Variants in PARVA observed in about 807,000 individuals in gnomAD.
PARVA encodes the protein parvin alpha.
Under a neutral mutation model 52.6 loss-of-function variants are expected in PARVA, and 25 were observed. The ratio of observed to expected loss-of-function variants is 0.48; its 90% CI spans 0.35 to 0.66. The LOEUF is 0.66. Ranked by LOEUF, PARVA falls within the 30% of genes least tolerant of loss-of-function variation. The pLI, the probability that PARVA is intolerant of heterozygous loss-of-function variation, is 0.01. For missense variants in PARVA, 373 were observed against 450.9 expected (o/e 0.83, Z 1.56); for synonymous variants, 185 against 179.1 (o/e 1.03, Z -0.26).
At chr11:12,428,412 C>T (rs1445228057) in intron 1 of PARVA, among the ~76,000 whole-genome samples, 1 of 152,212 alleles carries the variant, frequency 6.6e-6, no homozygotes, top group African/African-American at 2.4e-5. Flanking sequence ...TTCATGCAGA[C>T]ATGTATGCTT....
chr11:12,486,976 T>C (rs948739062), intron 4 of PARVA, among the ~76,000 whole-genome samples: 2 of 152,266 alleles, frequency 1.3e-5, no homozygotes, highest in Middle Eastern at 3.4e-3. Context: ...CAGTCAGAAA[T>C]GGGGCTTTAG....
In PARVA at chr11:12,517,801, G is replaced by T. The variant is rs112160028; in HGVS notation, c.969+90G>T. 99 of 883,686 alleles carry T rather than the reference G, an allele frequency of 1.1e-4. No individual in the cohort carries two copies. The African/African-American group carries it at 1.3e-3, about 12-fold the overall frequency. The allele number at this position is 883,686 out of a possible 1,614,324, so 54.7% of individuals were successfully genotyped here. A position where few individuals can be genotyped will look rare whatever the true frequency, so the allele number is the denominator to read the frequency against. ...CATGCTGGGGCTATCCAGAAAAAAG[G>T]CAGAAGCTTCCCCTCTGCTCAACGT... On this transcript the variant is annotated intron_variant, in intron 11 of 12. Transcript: ENST00000334956.
intron 1 of PARVA, among the ~76,000 whole-genome samples, chr11:12,429,209 C>T (rs1940279779): frequency 6.6e-6 from 1 of 152,074 alleles, no homozygotes; most frequent in Admixed American, 6.5e-5. Flanking sequence ...TTGAACTCCT[C>T]GCCTCAAACA....
chr11:12,483,347 C>T (rs1341303224), intron 4 of PARVA, among the ~76,000 whole-genome samples: 6 of 152,158 alleles, frequency 3.9e-5, no homozygotes, highest in East Asian at 1.9e-4. Context: ...GACCTTAAAA[C>T]GTACAAATAA....
intron 1 of PARVA, among the ~76,000 whole-genome samples, chr11:12,462,369 G>A (rs1016008926): frequency 2.0e-5 from 3 of 152,170 alleles, no homozygotes; most frequent in African/African-American, 7.2e-5. Flanking sequence ...GAGATTTAGA[G>A]TATGCAGTGA....
chr11:12,422,758 A>G (rs1353224901), intron 1 of PARVA, among the ~76,000 whole-genome samples: 2 of 152,206 alleles, frequency 1.3e-5, no homozygotes, highest in East Asian at 1.9e-4. Flanking sequence ...ATCTCACACT[A>G]TAAGATTTTA....
intron 4 of PARVA, chr11:12,480,809 T>TTAA (rs763187722): frequency 1.8e-5 from 2 of 110,292 alleles, no homozygotes; most frequent in African/African-American, 7.5e-5. Flanking sequence ...CAGTTTGCGG[T>TTAA]AAAAAAAAAA....
upstream of PARVA, among the ~76,000 whole-genome samples, chr11:12,376,914 T>C (rs1939397106): frequency 6.6e-6 from 1 of 152,212 alleles, no homozygotes; most frequent in African/African-American, 2.4e-5. Flanking sequence ...TTCCCATTCA[T>C]GTTTCCACCA....
chr11:12,520,141 G>C (rs752439420), intron 12 of PARVA, among the ~76,000 whole-genome samples: 1 of 152,168 alleles, frequency 6.6e-6, no homozygotes, highest in Non-Finnish European at 1.5e-5. Flanking sequence ...TGGAATATAG[G>C]TGATATTTTT....
At chr11:12,480,443 T>G (rs1941072085) in intron 4 of PARVA, 1 of 152,044 alleles carries the variant, frequency 6.6e-6, no homozygotes, top group Admixed American at 6.6e-5. Flanking sequence ...GACTACAGCT[T>G]TTAACTCCTC....
intron 1 of PARVA, 110 bp downstream of exon 1, chr11:12,377,893 G>A: frequency 3.4e-6 from 2 of 590,912 alleles, no homozygotes; most frequent in Non-Finnish European, 2.3e-6. Flanking sequence ...TGCCCGGCGC[G>A]GTGGGGCGCG....
intron 12 of PARVA, among the ~76,000 whole-genome samples, chr11:12,523,956 T>G (rs181907382): frequency 6.6e-6 from 1 of 152,318 alleles, no homozygotes; most frequent in Admixed American, 6.5e-5. Flanking sequence ...CTAGTCTGCC[T>G]GGGACTACCT....
rs542967980 is a variant in PARVA at position 12,509,481 on chromosome 11, T to G, written c.716+839T>G. 1.8e-3 allele frequency among the ~76,000 whole-genome samples: 275 copies of G among 152,266 alleles called. 1 individual carries two copies. The highest frequency in any genetic ancestry group is 6.4e-3 in the African/African-American group (264 of 41,550). ...ACTTCGTTCCCTTGCCCTCTGTAGC[T>G]GCTGTTCCATCTTTTCTCCAGCACA... On this transcript the variant is annotated intron_variant, in intron 7 of 12. Coordinates refer to ENST00000334956, the MANE Select transcript of PARVA (RefSeq NM_018222.5).
Position 12,531,572 on chromosome 11 carries a change from G to A in PARVA, c.*3647G>A, listed in dbSNP as rs962606917. Among the ~76,000 whole-genome samples the A allele has an allele frequency of 6.6e-6, 1 of 151,998 alleles. No homozygotes were observed. Among genetic ancestry groups the A allele is most frequent in the Non-Finnish European group, 1.5e-5 (1 of 68,008 alleles). On this transcript the variant is annotated 3_prime_UTR_variant, in exon 13 of 13. Transcript: ENST00000334956. ...CCACTGGAAAATAAGACTAGATGGA[G>A]TCGGTAGGTGAAACAGTTTTGCCGT...
rs145297735 is a variant in PARVA at position 12,501,086 on chromosome 11, C to T, written c.542-3228C>T. 1.7e-4 allele frequency among the ~76,000 whole-genome samples: 25 copies of T among 148,662 alleles called. No homozygotes were observed. The East Asian group carries it at 4.0e-3, about 23-fold the overall frequency. On this transcript the variant is annotated intron_variant, in intron 5 of 12. Transcript: ENST00000334956. ...TCTAGTCATTGCACTCCAACCTGGG[C>T]GACGAGCAAAAATCCATCTCAAAAA...
intron 6 of PARVA, among the ~76,000 whole-genome samples, chr11:12,506,661 A>C (rs1228096947): frequency 1.3e-5 from 2 of 152,206 alleles, no homozygotes; most frequent in Non-Finnish European, 2.9e-5. Flanking sequence ...TGTTAGCATG[A>C]GGGAGAAAAG....
chr11:12,393,891 A>G (rs974336308), intron 1 of PARVA, among the ~76,000 whole-genome samples: 3 of 152,162 alleles, frequency 2.0e-5, no homozygotes, highest in Non-Finnish European at 4.4e-5. Flanking sequence ...AGTAGCTCAG[A>G]GGTCTGGGAA....
chr11:12,533,891 G>A lies in PARVA; in HGVS notation c.*5966G>A, dbSNP rs952726330. 6.6e-6 allele frequency among the ~76,000 whole-genome samples: 1 copy of A among 151,898 alleles called. No homozygotes were observed. The highest frequency in any genetic ancestry group is 6.6e-5 in the Admixed American group (1 of 15,260). On this transcript the variant is annotated 3_prime_UTR_variant, in exon 13 of 13. Coordinates refer to ENST00000334956, the MANE Select transcript of PARVA (RefSeq NM_018222.5). ...GAGGCAGAAAAAAAATCCATGGGCC[G>A]AGCACGGTGGCTCACACCTGTAATC... is the stretch of plus-strand genomic sequence containing the variant.
At chr11:12,509,934 A>G (rs936191680) in intron 7 of PARVA, among the ~76,000 whole-genome samples, 1 of 152,178 alleles carries the variant, frequency 6.6e-6, no homozygotes, top group Non-Finnish European at 1.5e-5. Context: ...AAAGAAGACG[A>G]CAGAGCAGAG....
Sources: allele counts gnomAD v4.1 joint callset (sites outside exome capture counted in the v4.1 genomes callset), GRCh38; gene constraint gnomAD v4.1.1; transcripts MANE v1.5; gene names NCBI Gene and HGNC (gene_info 2026-07-23, HGNC 2026-07-21).